The following SLC17A3 variants were observed in gnomAD, a reference collection of about 807,000 sequenced individuals.
SLC17A3 encodes the protein sodium-dependent phosphate transport protein 4.
Under a neutral mutation model 60.3 loss-of-function variants are expected in SLC17A3, and 61 were observed. The observed-to-expected ratio is 1.01, with a 90% CI of 0.82 to 1.25. The LOEUF (loss-of-function observed/expected upper bound fraction) is 1.25. SLC17A3 is among the 50% of genes most tolerant of loss of function. The pLI is 0.00. For synonymous variants in SLC17A3, 192 were observed against 208.9 expected (o/e 0.92, Z 0.70); for missense variants, 624 against 594.9 (o/e 1.05, Z -0.51).
intron 5 of SLC17A3, among the ~76,000 whole-genome samples, chr6:25,856,546 T>G (rs753704787): frequency 5.3e-5 from 8 of 152,038 alleles, no homozygotes; most frequent in Admixed American, 2.6e-4. Context: ...CCCCTCAAAG[T>G]TTTTAAAAGT....
chr6:25,872,411 TCAAA>T (rs981792914), intron 1 of SLC17A3, among the ~76,000 whole-genome samples: 13 of 151,088 alleles, frequency 8.6e-5, no homozygotes, highest in Admixed American at 1.3e-4. Flanking sequence ...AAGAAATTTA[TCAAA>T]CAATGTTCAT....
chr6:25,866,822 T>C (rs189516952), intron 2 of SLC17A3, among the ~76,000 whole-genome samples: 5 of 152,018 alleles, frequency 3.3e-5, no homozygotes, highest in African/African-American at 9.7e-5. Flanking sequence ...AACTAGATCA[T>C]GTAATTAGTA....
At chr6:25,856,751 G>A (rs942391957) in intron 5 of SLC17A3, among the ~76,000 whole-genome samples, 4 of 151,748 alleles carry the variant, frequency 2.6e-5, no homozygotes, top group South Asian at 2.1e-4. Context: ...GGAGGCTGAC[G>A]CAGGAGAATT....
Position 25,855,134 on chromosome 6 carries a change from A to C in SLC17A3, c.712+10T>G. 6.4e-7 allele frequency: 1 copy of C among 1,571,560 alleles called. No homozygotes were observed. The highest frequency in any genetic ancestry group is 8.8e-7 in the Non-Finnish European group (1 of 1,141,566). On this transcript the variant is annotated intron_variant, in intron 6 of 12. Transcript: ENST00000397060. ...TATGAAACTCAGGGAACTGGGAGATAGTAGCTTACCAAAGATATAGAAGAC... is the reference window on the plus strand; with the variant it reads ...TATGAAACTCAGGGAACTGGGAGATCGTAGCTTACCAAAGATATAGAAGAC...
At chr6:25,865,775 C>T (rs1439433628) in intron 2 of SLC17A3, among the ~76,000 whole-genome samples, 1 of 151,892 alleles carries the variant, frequency 6.6e-6, no homozygotes, top group Admixed American at 6.6e-5. Flanking sequence ...TAGATTGGTG[C>T]CAGTGATGTG....
chr6:25,854,978 A>C (rs955774390), intron 6 of SLC17A3, among the ~76,000 whole-genome samples, 166 bp downstream of exon 6: 1 of 152,210 alleles, frequency 6.6e-6, no homozygotes, highest in African/African-American at 2.4e-5. Flanking sequence ...AGAACTTCCA[A>C]ATTTTTTTAT....
chr6:25,854,884 G>T (rs1022509167), intron 6 of SLC17A3, among the ~76,000 whole-genome samples: 2 of 152,100 alleles, frequency 1.3e-5, no homozygotes, highest in Non-Finnish European at 2.9e-5. Context: ...ATCCCCTACT[G>T]CCTTCAATGG....
chr6:25,857,269 A>T (rs757079133), intron 5 of SLC17A3, among the ~76,000 whole-genome samples: 1 of 149,990 alleles, frequency 6.7e-6, no homozygotes, highest in Non-Finnish European at 1.5e-5. Context: ...ACGTTTTTCT[A>T]TCTTTAACTA....
chr6:25,850,183 G>A lies in SLC17A3; in HGVS notation c.994-6C>T. The A allele has an allele frequency of 6.2e-7, 1 of 1,612,738 alleles. No homozygotes were observed. Among genetic ancestry groups the A allele is most frequent in the Middle Eastern group, 1.6e-4 (1 of 6,062 alleles). ...AGGGCAGATAGAAGTCCATTCTAAAGAGAAAAGATTGAGTAAATTACCATA... is the reference window on the plus strand; with the variant it reads ...AGGGCAGATAGAAGTCCATTCTAAAAAGAAAAGATTGAGTAAATTACCATA... On this transcript the variant is annotated splice_polypyrimidine_tract_variant and splice_region_variant and intron_variant, in intron 8 of 12. Transcript: ENST00000397060.
chr6:25,851,659 T>C (rs1328355570), intron 6 of SLC17A3, among the ~76,000 whole-genome samples: 1 of 152,190 alleles, frequency 6.6e-6, no homozygotes, highest in African/African-American at 2.4e-5. Context: ...CTATCCTTTA[T>C]CTATTGAACC....
chr6:25,851,757 C>T (rs1765281294), intron 6 of SLC17A3, among the ~76,000 whole-genome samples: 2 of 151,964 alleles, frequency 1.3e-5, no homozygotes, highest in Non-Finnish European at 2.9e-5. Flanking sequence ...ATCTATTTGC[C>T]AATGTTTATG....
At chr6:25,856,663 T>C (rs1765361193) in intron 5 of SLC17A3, among the ~76,000 whole-genome samples, 1 of 151,702 alleles carries the variant, frequency 6.6e-6, no homozygotes, top group Non-Finnish European at 1.5e-5. Flanking sequence ...TTGGCCAACA[T>C]GGTGAAATCC....
Position 25,855,231 on chromosome 6 carries a change from C to T in SLC17A3, c.626-1G>A. 1 of 1,610,774 alleles carries T rather than the reference C, an allele frequency of 6.2e-7. No individual in the cohort carries two copies. Reference sequence around the variant, plus strand: ...GCAGTAAAGCATCCCAGTAACATTCCTGCAAAGAGAGAGAAAGTAAGCTGT... The same window carrying T: ...GCAGTAAAGCATCCCAGTAACATTCTTGCAAAGAGAGAGAAAGTAAGCTGT... On this transcript the variant is annotated splice_acceptor_variant, in intron 5 of 12. Coordinates refer to ENST00000397060, the MANE Select transcript of SLC17A3 (RefSeq NM_001098486.2). LOFTEE classifies it high-confidence loss of function.
intron 1 of SLC17A3, among the ~76,000 whole-genome samples, chr6:25,870,114 T>C (rs1314372617): frequency 6.6e-6 from 1 of 152,018 alleles, no homozygotes; most frequent in Non-Finnish European, 1.5e-5. Context: ...TGTGCTTTCA[T>C]TTCTCTCAGA....
chr6:25,865,644 A>G (rs2151526525), intron 2 of SLC17A3, among the ~76,000 whole-genome samples: 1 of 152,144 alleles, frequency 6.6e-6, no homozygotes, highest in African/African-American at 2.4e-5. Context: ...TGTATTTAAA[A>G]GGCTTAGTCT....
rs1010075824 is a variant in SLC17A3 at position 25,845,094 on chromosome 6, A to G, written c.*207T>C. 3.2e-5 allele frequency: 12 copies of G among 372,486 alleles called. No homozygotes were observed. Among genetic ancestry groups the G allele is most frequent in the Non-Finnish European group, 6.1e-5 (12 of 197,940 alleles). The allele number at this position is 372,486 out of a possible 1,614,324, so 23.1% of individuals were successfully genotyped here. On this transcript the variant is annotated 3_prime_UTR_variant, in exon 13 of 13. Transcript: ENST00000397060. ...CATTGTTAATTCTATGAAGATGACAACTGCATTCTTAGTTATCATTTTATT... is the reference window on the plus strand; with the variant it reads ...CATTGTTAATTCTATGAAGATGACAGCTGCATTCTTAGTTATCATTTTATT...
intron 6 of SLC17A3, among the ~76,000 whole-genome samples, chr6:25,853,949 G>A (rs546048418): frequency 1.3e-5 from 2 of 151,812 alleles, no homozygotes; most frequent in Admixed American, 6.6e-5. Context: ...ACTTTCCCTC[G>A]TGTCTTTTTC....
At position 25,849,426 on chromosome 6, in the gene SLC17A3, GA is replaced by G; in HGVS notation, c.1309del (p.Ser437ArgfsTer3). The G allele has an allele frequency of 1.9e-6, 3 of 1,612,894 alleles. 1 individual carries two copies. The South Asian group carries it at 3.3e-5, about 18-fold the overall frequency. ...GGGTACAATGACAGGTGCTATGCTCGAAAATCCTCTTGATGCTCCCATGAGA... is the reference window on the plus strand; with the variant it reads ...GGGTACAATGACAGGTGCTATGCTCGAAATCCTCTTGATGCTCCCATGAGA... ...SFLMGASRGF[S>X]SIAPVIVPTV... On this transcript the variant is annotated frameshift_variant, in exon 11 of 13. Coordinates refer to ENST00000397060, the MANE Select transcript of SLC17A3 (RefSeq NM_001098486.2). LOFTEE classifies it high-confidence loss of function.
At chr6:25,845,711 T>C (rs188755314) in intron 11 of SLC17A3, among the ~76,000 whole-genome samples, 195 bp from the exon 12 acceptor site, 57 of 152,350 alleles carry the variant, frequency 3.7e-4, no homozygotes, top group African/African-American at 1.4e-3. Flanking sequence ...TTGGGGAACT[T>C]TGTGATTAAT....
Sources: gnomAD v4.1 joint callset for allele counts (sites outside exome capture counted in the v4.1 genomes callset) on GRCh38, gnomAD v4.1.1 for gene constraint, MANE v1.5 for transcripts, NCBI Gene and HGNC (gene_info 2026-07-23, HGNC 2026-07-21) for gene names.